The following MKLN1 variants were observed in gnomAD, a reference collection of about 807,000 sequenced individuals.
MKLN1 encodes the protein muskelin 1.
Under a neutral mutation model 99.0 loss-of-function variants are expected in MKLN1, and 18 were observed. The ratio of observed to expected loss-of-function variants is 0.18; its 90% confidence interval spans 0.13 to 0.27. The LOEUF (loss-of-function observed/expected upper bound fraction) is 0.27, where lower values mean the gene tolerates loss of function less well. MKLN1 is among the 10% of genes least tolerant of loss of function. MKLN1 has a pLI of 1.00. For missense variants in MKLN1, 621 were observed against 875.9 expected (o/e 0.71, Z 3.67); for synonymous variants, 288 against 293.2 (o/e 0.98, Z 0.18).
intron 6 of MKLN1, among the ~76,000 whole-genome samples, 168 bp downstream of exon 6, chr7:131,399,601 A>G (rs1348810774): frequency 6.6e-6 from 1 of 152,202 alleles, no homozygotes; most frequent in Non-Finnish European, 1.5e-5. Flanking sequence ...CATGTAAAAT[A>G]GATCCATGAT....
intron 3 of MKLN1, among the ~76,000 whole-genome samples, chr7:131,227,473 TTCTCTCTTTCTC>T (rs1797168073): frequency 7.0e-6 from 1 of 143,226 alleles, no homozygotes; most frequent in Admixed American, 7.1e-5. Flanking sequence ...CTTTCTTTCT[TTCTCTCTTTCTC>T]TCTTTCTTTC....
intron 6 of MKLN1, among the ~76,000 whole-genome samples, chr7:131,405,529 A>G (rs1405393873): frequency 1.3e-5 from 2 of 152,066 alleles, no homozygotes; most frequent in Non-Finnish European, 2.9e-5. Flanking sequence ...ACAACTTTTT[A>G]AGCCAGATGC....
intron 3 of MKLN1, among the ~76,000 whole-genome samples, chr7:131,265,103 G>A (rs1797788368): frequency 6.6e-6 from 1 of 152,110 alleles, no homozygotes; most frequent in Non-Finnish European, 1.5e-5. Context: ...GCCTCCCAAA[G>A]TGCTGGGATT....
chr7:131,280,206 C>A (rs1301174853), intron 3 of MKLN1, among the ~76,000 whole-genome samples: 1 of 152,214 alleles, frequency 6.6e-6, no homozygotes, highest in Admixed American at 6.5e-5. Context: ...ACCCATTCCT[C>A]AGTTCATGGA....
chr7:131,316,408 T>C (rs1467379904), intron 3 of MKLN1, among the ~76,000 whole-genome samples: 2 of 151,882 alleles, frequency 1.3e-5, no homozygotes, highest in African/African-American at 4.8e-5. Flanking sequence ...AACAACAACA[T>C]CATCAACAAA....
intron 3 of MKLN1, among the ~76,000 whole-genome samples, chr7:131,262,049 T>C (rs894595715): frequency 7.9e-5 from 12 of 152,172 alleles, no homozygotes; most frequent in Admixed American, 1.3e-4. Flanking sequence ...CTATGCGTAT[T>C]ATCTGGGTGA....
At chr7:131,154,372 G>A (rs1332385516) in intron 2 of MKLN1, among the ~76,000 whole-genome samples, 7 of 152,232 alleles carry the variant, frequency 4.6e-5, no homozygotes, top group South Asian at 2.1e-4. Flanking sequence ...GTGAGCCACC[G>A]CCCCGGCCTA....
upstream of MKLN1, among the ~76,000 whole-genome samples, chr7:131,326,390 G>C (rs1798890415): frequency 6.6e-6 from 1 of 152,174 alleles, no homozygotes; most frequent in Non-Finnish European, 1.5e-5. Context: ...TGTTGCCCAG[G>C]CTGGAGTGCA....
chr7:131,311,220 T>A (rs1048203478), intron 3 of MKLN1: 1 of 152,164 alleles, frequency 6.6e-6, no homozygotes, highest in African/African-American at 2.4e-5. Context: ...ATTCTATGAA[T>A]TTCCTTGAAG....
chr7:131,488,773 T>C lies in MKLN1; in HGVS notation c.*1045T>C, dbSNP rs1436558230. 2 of 152,176 alleles carry C rather than the reference T, an allele frequency of 1.3e-5. No individual in the cohort carries two copies. Among genetic ancestry groups the C allele is most frequent in the African/African-American group, 4.8e-5 (2 of 41,438 alleles). The allele number at this position is 152,176 out of a possible 1,614,324, so 9.4% of individuals were successfully genotyped here. ...TATTGTTATTTTGAAGAGAAATGGTTTGTGGTTGTCCAGTGGTATACAACT... is the reference window on the plus strand; with the variant it reads ...TATTGTTATTTTGAAGAGAAATGGTCTGTGGTTGTCCAGTGGTATACAACT... On this transcript the variant is annotated 3_prime_UTR_variant, in exon 18 of 18. Transcript: ENST00000352689.
chr7:131,283,159 G>A (rs62472007), intron 3 of MKLN1, among the ~76,000 whole-genome samples: 16,464 of 152,164 alleles, frequency 0.11, 913 homozygotes, highest in African/African-American at 0.13. Context: ...TTCTGTAACT[G>A]AGAATCTAAG....
intron 3 of MKLN1, among the ~76,000 whole-genome samples, chr7:131,219,388 C>T (rs1293356419): frequency 6.6e-6 from 1 of 152,134 alleles, no homozygotes; most frequent in Admixed American, 6.5e-5. Flanking sequence ...AAGGCCAAGT[C>T]GTTCTGTGAG....
intron 1 of MKLN1, among the ~76,000 whole-genome samples, chr7:131,135,713 C>A (rs943797677): frequency 1.3e-4 from 20 of 152,092 alleles, no homozygotes; most frequent in African/African-American, 4.1e-4. Context: ...GATTTGATGT[C>A]ATGGAGGTCA....
Position 131,342,209 on chromosome 7 carries a change from G to T in MKLN1, c.98+14212G>T, listed in dbSNP as rs148513106. On this transcript the variant is annotated intron_variant, in intron 1 of 17. Transcript: ENST00000352689. ...TGTCAAGAAACCGTTTAATGCATAT[G>T]AATTGAAGCCCTGTAAGGAAAGTGA... is the stretch of plus-strand genomic sequence containing the variant. Among the ~76,000 whole-genome samples the T allele has an allele frequency of 3.4e-4, 52 of 151,472 alleles. No individual in the cohort carries two copies. The East Asian group carries it at 4.6e-3, about 14-fold the overall frequency.
At chr7:131,187,891 G>A (rs970770593) in intron 2 of MKLN1, among the ~76,000 whole-genome samples, 1 of 152,168 alleles carries the variant, frequency 6.6e-6, no homozygotes, top group Non-Finnish European at 1.5e-5. Flanking sequence ...AGGAGGTGGA[G>A]GTTGCAGTGA....
intron 3 of MKLN1, among the ~76,000 whole-genome samples, chr7:131,218,905 G>A (rs1271119196): frequency 6.6e-6 from 1 of 152,150 alleles, no homozygotes; most frequent in Non-Finnish European, 1.5e-5. Context: ...TGTAACCACA[G>A]ATGAACAGAC....
chr7:131,175,655 A>G (rs554770479), intron 2 of MKLN1, among the ~76,000 whole-genome samples: 390 of 152,344 alleles, frequency 2.6e-3, no homozygotes, highest in Non-Finnish European at 4.1e-3. Context: ...TAATCCCAGC[A>G]CTTTGGGAGG....
intron 3 of MKLN1, among the ~76,000 whole-genome samples, chr7:131,228,002 A>G (rs919338705): frequency 3.3e-5 from 5 of 152,196 alleles, no homozygotes; most frequent in Non-Finnish European, 7.3e-5. Flanking sequence ...GCCCATAATC[A>G]GAGCTCAATA....
chr7:131,251,400 T>C (rs933706405), intron 3 of MKLN1, among the ~76,000 whole-genome samples: 2 of 152,138 alleles, frequency 1.3e-5, no homozygotes, highest in Non-Finnish European at 2.9e-5. Flanking sequence ...AATTCACACA[T>C]AGGGGTTTTT....
Sources: allele counts gnomAD v4.1 joint callset (sites outside exome capture counted in the v4.1 genomes callset), GRCh38; gene constraint gnomAD v4.1.1; transcripts MANE v1.5; gene names NCBI Gene and HGNC (gene_info 2026-07-23, HGNC 2026-07-21).